FRY: variants seen among roughly 807,000 people sequenced by gnomAD.
FRY encodes the protein FRY microtubule binding protein, also known as protein furry homolog.
FRY carries 128 observed loss-of-function variants against 348.4 expected under a neutral mutation model. The observed-to-expected ratio is 0.37, with a 90% CI of 0.32 to 0.43. The LOEUF is 0.43. Among genes scored for constraint, FRY ranks in the 20% least tolerant of loss-of-function variants. The pLI is 1.00. For missense variants in FRY, 2,736 were observed against 3,695.2 expected (o/e 0.74, Z 6.73); for synonymous variants, 1,370 against 1,374.7 (o/e 1.00, Z 0.08).
chr13:32,272,436 C>T (rs1888251078), intron 55 of FRY, among the ~76,000 whole-genome samples: 1 of 152,204 alleles, frequency 6.6e-6, no homozygotes, highest in Non-Finnish European at 1.5e-5. Context: ...TCATGTGTCA[C>T]ATAATGTCAC....
chr13:32,082,631 A>G (rs1330045839), intron 2 of FRY, among the ~76,000 whole-genome samples: 6 of 152,182 alleles, frequency 3.9e-5, no homozygotes, highest in Non-Finnish European at 7.4e-5. Context: ...CAGTTCTTTA[A>G]GTAAGAATCA....
intron 3 of FRY, among the ~76,000 whole-genome samples, chr13:32,116,502 T>C (rs1173188210): frequency 6.6e-6 from 1 of 152,202 alleles, no homozygotes; most frequent in Non-Finnish European, 1.5e-5. Flanking sequence ...AATTTTATCA[T>C]AGACTTTGCT....
Position 32,178,851 on chromosome 13 carries a change from A to G in FRY, c.2689A>G (p.Ile897Val), listed in dbSNP as rs777391194. 3.1e-6 allele frequency: 5 copies of G among 1,610,442 alleles called. No individual in the cohort carries two copies. Among genetic ancestry groups the G allele is most frequent in the Non-Finnish European group, 4.2e-6 (5 of 1,176,728 alleles). Residue 897 changes from isoleucine to valine, a missense_variant, in exon 22 of 61, where the codon ATT becomes GTT. Transcript: ENST00000542859. ...TCGACTCCATATTTCTAGTAGCCCAATTAATGCCAAGAAAACCAGCACTGC... is the reference window on the plus strand; with the variant it reads ...TCGACTCCATATTTCTAGTAGCCCAGTTAATGCCAAGAAAACCAGCACTGC... Reference protein sequence around the residue: ...VMPLVDPNSPINAKKTSTAGS... With the variant: ...VMPLVDPNSPVNAKKTSTAGS...
At chr13:32,150,028 G>A (rs553236519) in intron 14 of FRY, among the ~76,000 whole-genome samples, 194 bp downstream of exon 14, 12 of 152,324 alleles carry the variant, frequency 7.9e-5, no homozygotes, top group African/African-American at 2.4e-4. Context: ...GAATGAAACG[G>A]TTAGTTGAAA....
At chr13:32,285,926 A>AC (rs1889021649) in intron 58 of FRY, among the ~76,000 whole-genome samples, 1 of 152,220 alleles carries the variant, frequency 6.6e-6, no homozygotes, top group South Asian at 2.1e-4. Flanking sequence ...AATAGTAAAC[A>AC]CCTGAAGCTG....
intron 3 of FRY, among the ~76,000 whole-genome samples, chr13:32,110,137 A>T (rs1877863883): frequency 6.6e-6 from 1 of 152,238 alleles, no homozygotes. Context: ...CGATGGACTA[A>T]TGTTAAATAC....
chr13:32,266,712 G>A (rs541323826), intron 54 of FRY, among the ~76,000 whole-genome samples: 9 of 152,186 alleles, frequency 5.9e-5, no homozygotes, highest in African/African-American at 1.2e-4. Context: ...TGCCAGGTGC[G>A]GTGGCACACA....
chr13:32,202,213 A>T, intron 30 of FRY, 143 bp from the exon 31 acceptor site: 1 of 787,152 alleles, frequency 1.3e-6, no homozygotes, highest in Non-Finnish European at 2.1e-6. Flanking sequence ...CATACTAATT[A>T]AACTGATGTT....
intron 51 of FRY, among the ~76,000 whole-genome samples, chr13:32,259,286 G>C (rs1278357417): frequency 6.6e-6 from 1 of 152,206 alleles, no homozygotes; most frequent in Non-Finnish European, 1.5e-5. Flanking sequence ...CTGCAATGTT[G>C]TTCCATCATC....
intron 4 of FRY, among the ~76,000 whole-genome samples, chr13:32,119,469 A>C (rs895462678): frequency 3.3e-5 from 5 of 152,068 alleles, no homozygotes; most frequent in African/African-American, 1.2e-4. Context: ...ATTTGAAAAC[A>C]TAATTTGGCT....
At chr13:32,263,894 G>C (rs977046342) in intron 53 of FRY, among the ~76,000 whole-genome samples, 5 of 152,158 alleles carry the variant, frequency 3.3e-5, no homozygotes, top group Admixed American at 3.3e-4. Flanking sequence ...CGTAATCCCA[G>C]CTACTCAGGA....
chr13:32,238,918 A>G (rs1886361605), intron 44 of FRY, among the ~76,000 whole-genome samples: 1 of 152,210 alleles, frequency 6.6e-6, no homozygotes, highest in African/African-American at 2.4e-5. Context: ...TTTTCTTAAA[A>G]TATGTTTTTT....
rs565832280 is a variant in FRY at position 32,070,681 on chromosome 13, A to G, written c.71-8153A>G. 1.6e-4 allele frequency among the ~76,000 whole-genome samples: 24 copies of G among 151,662 alleles called. No homozygotes were observed. The East Asian group carries it at 4.5e-3, about 28-fold the overall frequency. ...CTGTAGGTTGCCTGTTTACTCTGATAGTTTCTTTTGCTGTGCAGAAACTCT... is the reference window on the plus strand; with the variant it reads ...CTGTAGGTTGCCTGTTTACTCTGATGGTTTCTTTTGCTGTGCAGAAACTCT... On this transcript the variant is annotated intron_variant, in intron 1 of 60. Transcript: ENST00000542859.
intron 1 of FRY, among the ~76,000 whole-genome samples, chr13:32,042,203 G>A (rs1371343257): frequency 6.6e-6 from 1 of 151,966 alleles, no homozygotes; most frequent in Non-Finnish European, 1.5e-5. Flanking sequence ...GGGAAGGAGG[G>A]AAGAAAGGAA....
chr13:32,143,625 G>A (rs754720000), intron 11 of FRY, among the ~76,000 whole-genome samples: 2 of 152,074 alleles, frequency 1.3e-5, no homozygotes, highest in Admixed American at 1.3e-4. Context: ...GATACACAAT[G>A]AGAGATTATG....
chr13:32,149,334 T>C (rs1360055559), intron 13 of FRY, among the ~76,000 whole-genome samples: 2 of 151,818 alleles, frequency 1.3e-5, no homozygotes, highest in African/African-American at 4.8e-5. Flanking sequence ...TTTTTAATGT[T>C]AGAGAATAGA....
chr13:32,044,673 C>T (rs1016212935), intron 1 of FRY, among the ~76,000 whole-genome samples: 1 of 152,210 alleles, frequency 6.6e-6, no homozygotes, highest in African/African-American at 2.4e-5. Context: ...GAGCCAGATG[C>T]TTGCTTGCTT....
chr13:32,216,583 G>T (rs112344548), intron 35 of FRY, among the ~76,000 whole-genome samples: 32 of 152,320 alleles, frequency 2.1e-4, no homozygotes, highest in African/African-American at 6.7e-4. Flanking sequence ...CTCTCCACCC[G>T]ACGGAAACCT....
intron 18 of FRY, 73 bp from the exon 19 acceptor site, chr13:32,173,294 T>A: frequency 8.5e-7 from 1 of 1,175,326 alleles, no homozygotes; most frequent in Non-Finnish European, 1.3e-6. Context: ...GCAAAAAATA[T>A]GTAAAACATG....
Sources: allele counts gnomAD v4.1 joint callset (sites outside exome capture counted in the v4.1 genomes callset), GRCh38; gene constraint gnomAD v4.1.1; transcripts MANE v1.5; gene names NCBI Gene and HGNC (gene_info 2026-07-23, HGNC 2026-07-21).